The following FOXN3 variants were observed in gnomAD, a reference collection of about 807,000 sequenced individuals.
The protein encoded by FOXN3 is forkhead box protein N3.
FOXN3 carries 7 observed loss-of-function variants against 38.4 expected under a neutral mutation model. The observed-to-expected ratio is 0.18, with a 90% CI of 0.10 to 0.34. The LOEUF (loss-of-function observed/expected upper bound fraction) is 0.34. Among genes scored for constraint, FOXN3 ranks in the 10% least tolerant of loss-of-function variants. FOXN3 has a pLI of 1.00. For missense variants in FOXN3, 456 were observed against 613.4 expected (o/e 0.74, Z 2.71); for synonymous variants, 230 against 242.2 (o/e 0.95, Z 0.47).
intron 1 of FOXN3, among the ~76,000 whole-genome samples, chr14:89,602,229 C>T (rs994435489): frequency 3.3e-5 from 5 of 150,762 alleles, no homozygotes; most frequent in Non-Finnish European, 5.9e-5. Context: ...GTAGAGGTTG[C>T]GGTAAGCCGA....
chr14:89,428,664 A>G (rs1263377680), intron 1 of FOXN3, among the ~76,000 whole-genome samples: 1 of 152,230 alleles, frequency 6.6e-6, no homozygotes, highest in Non-Finnish European at 1.5e-5. Context: ...GCTGTCTAAC[A>G]ATATGGGTCC....
chr14:89,487,582 A>G (rs1288164833), intron 1 of FOXN3, among the ~76,000 whole-genome samples: 2 of 152,214 alleles, frequency 1.3e-5, no homozygotes, highest in African/African-American at 2.4e-5. Context: ...ACCCATACAA[A>G]GACATTCTGT....
At chr14:89,409,638 T>G (rs987991898) in intron 2 of FOXN3, among the ~76,000 whole-genome samples, 5 of 152,216 alleles carry the variant, frequency 3.3e-5, no homozygotes, top group African/African-American at 1.2e-4. Flanking sequence ...CTGTGAGGCT[T>G]TGGGGGACCT....
chr14:89,374,137 G>A (rs894051627), intron 2 of FOXN3, among the ~76,000 whole-genome samples: 4 of 151,668 alleles, frequency 2.6e-5, no homozygotes, highest in South Asian at 2.1e-4. Flanking sequence ...GATGGTGTGC[G>A]CCTGTGGTCC....
intron 1 of FOXN3, among the ~76,000 whole-genome samples, chr14:89,458,209 CT>C (rs1247620314): frequency 2.6e-5 from 4 of 152,094 alleles, no homozygotes; most frequent in African/African-American, 9.7e-5. Flanking sequence ...CCCTCTAAGG[CT>C]TTTTCCCCCA....
At chr14:89,399,192 T>C (rs1891183362) in intron 2 of FOXN3, among the ~76,000 whole-genome samples, 1 of 152,160 alleles carries the variant, frequency 6.6e-6, no homozygotes, top group Non-Finnish European at 1.5e-5. Context: ...TCCTAGTATC[T>C]AAAAATGATG....
At chr14:89,390,145 G>A (rs1165016909) in intron 2 of FOXN3, among the ~76,000 whole-genome samples, 1 of 151,158 alleles carries the variant, frequency 6.6e-6, no homozygotes, top group Non-Finnish European at 1.5e-5. Context: ...AGGATTGCTT[G>A]AGCCTGGGAC....
chr14:89,254,538 C>T (rs571055779), intron 4 of FOXN3, among the ~76,000 whole-genome samples: 5 of 152,174 alleles, frequency 3.3e-5, no homozygotes, highest in Non-Finnish European at 1.5e-5. Flanking sequence ...GATGCTCCAT[C>T]TCCCAGATGT....
chr14:89,511,352 G>A (rs1894090002), intron 1 of FOXN3, among the ~76,000 whole-genome samples: 1 of 147,514 alleles, frequency 6.8e-6, no homozygotes, highest in Non-Finnish European at 1.5e-5. Context: ...GCAGTGCAAT[G>A]GTATAATCAT....
chr14:89,374,849 C>T lies in FOXN3; in HGVS notation c.544-24041G>A, dbSNP rs552113876. Among the ~76,000 whole-genome samples, 383 of 151,596 alleles carry T rather than the reference C, an allele frequency of 2.5e-3. 2 individuals are homozygous for T. The highest frequency in any genetic ancestry group is 8.6e-3 in the African/African-American group (354 of 41,340). ...AAAATTAGCCAGGTGTGGTGGCGCA[C>T]GCCTGTAATCCCAGCTACTCAGGAG... On this transcript the variant is annotated intron_variant, in intron 2 of 5. Transcript: ENST00000557258.
At chr14:89,459,945 G>A (rs1892806668) in intron 1 of FOXN3, among the ~76,000 whole-genome samples, 1 of 152,088 alleles carries the variant, frequency 6.6e-6, no homozygotes, top group Non-Finnish European at 1.5e-5. Context: ...CAGCAAGAGG[G>A]GAAGACAATA....
intron 1 of FOXN3, among the ~76,000 whole-genome samples, chr14:89,498,923 T>C (rs1054270953): frequency 1.3e-5 from 2 of 152,162 alleles, no homozygotes; most frequent in African/African-American, 4.8e-5. Flanking sequence ...GGATTGTATA[T>C]GAAAACAACG....
chr14:89,405,416 G>A (rs937110052), intron 2 of FOXN3, among the ~76,000 whole-genome samples: 3 of 152,150 alleles, frequency 2.0e-5, no homozygotes, highest in Non-Finnish European at 4.4e-5. Context: ...GATTACAGAC[G>A]TGAGCCACCA....
At chr14:89,316,009 T>C (rs375109903) in intron 3 of FOXN3, among the ~76,000 whole-genome samples, 17 of 152,184 alleles carry the variant, frequency 1.1e-4, no homozygotes, top group East Asian at 7.7e-4. Context: ...ACTGCAGCAA[T>C]GGCCCATGAC....
At chr14:89,293,357 T>C (rs1886935900) in intron 3 of FOXN3, among the ~76,000 whole-genome samples, 1 of 151,926 alleles carries the variant, frequency 6.6e-6, no homozygotes. Flanking sequence ...GACTGGGGGG[T>C]TTAAGCAACA....
intron 1 of FOXN3, among the ~76,000 whole-genome samples, chr14:89,446,087 C>CAAAAAAAAAAAAAAAA (rs576883864): frequency 0.013 from 502 of 40,022 alleles, 54 homozygotes; most frequent in Non-Finnish European, 0.019. Flanking sequence ...GACCCTGCCT[C>CAAAAAAAAAAAAAAAA]AAAAAAAAAA....
At chr14:89,300,055 G>A (rs1048909032) in intron 3 of FOXN3, among the ~76,000 whole-genome samples, 16 of 151,936 alleles carry the variant, frequency 1.1e-4, no homozygotes, top group African/African-American at 3.9e-4. Context: ...TATAATGTGA[G>A]TAACACAATT....
chr14:89,348,122 G>A (rs542499722), intron 3 of FOXN3, among the ~76,000 whole-genome samples: 1 of 152,030 alleles, frequency 6.6e-6, no homozygotes, highest in South Asian at 2.1e-4. Flanking sequence ...AAGCACACCT[G>A]CAAGTCCTAG....
chr14:89,369,107 C>A, intron 2 of FOXN3, among the ~76,000 whole-genome samples: 1 of 152,304 alleles, frequency 6.6e-6, no homozygotes, highest in South Asian at 2.1e-4. Context: ...AAGCTTGATG[C>A]GTTATCCAGG....
Sources: allele counts gnomAD v4.1 joint callset (sites outside exome capture counted in the v4.1 genomes callset), GRCh38; gene constraint gnomAD v4.1.1; transcripts MANE v1.5; gene names NCBI Gene and HGNC (gene_info 2026-07-23, HGNC 2026-07-21).